DIP2C: variants seen among roughly 807,000 people sequenced by gnomAD.
The protein encoded by DIP2C is disco-interacting protein 2 homolog C.
DIP2C carries 33 observed loss-of-function variants against 192.4 expected under a neutral mutation model. That is an observed-to-expected ratio of 0.17 (90% CI 0.13 to 0.23). DIP2C has a LOEUF of 0.23. Ranked by LOEUF, DIP2C falls within the 10% of genes least tolerant of loss-of-function variation. The probability of loss-of-function intolerance (pLI) is 1.00; values close to 1 mark genes in which losing one functional copy is unlikely to be tolerated. For synonymous variants in DIP2C, 979 were observed against 864.1 expected (o/e 1.13, Z -2.33); for missense variants, 1,537 against 2,110.1 (o/e 0.73, Z 5.32).
chr10:602,407 G>A (rs774315965), intron 1 of DIP2C, among the ~76,000 whole-genome samples: 1 of 152,218 alleles, frequency 6.6e-6, no homozygotes, highest in Non-Finnish European at 1.5e-5. Flanking sequence ...CTGAATGTCT[G>A]TCCCCAAAAC....
chr10:569,601 T>C (rs1341260970), intron 1 of DIP2C, among the ~76,000 whole-genome samples: 1 of 129,210 alleles, frequency 7.7e-6, no homozygotes, highest in Non-Finnish European at 1.6e-5. Flanking sequence ...TTATATTCTT[T>C]TTTAAAAAAA....
At chr10:554,950 G>C (rs1001699483) in intron 1 of DIP2C, among the ~76,000 whole-genome samples, 5 of 152,002 alleles carry the variant, frequency 3.3e-5, no homozygotes, top group Admixed American at 3.3e-4. Context: ...GTTCGTCAGA[G>C]ACAGAGTCTG....
intron 3 of DIP2C, among the ~76,000 whole-genome samples, chr10:464,648 T>A (rs948230055): frequency 6.6e-6 from 1 of 152,222 alleles, no homozygotes; most frequent in African/African-American, 2.4e-5. Context: ...CAAAGGATTA[T>A]AAATCATGAT....
intron 9 of DIP2C, 72 bp downstream of exon 9, chr10:408,854 G>A: frequency 2.0e-6 from 3 of 1,490,354 alleles, no homozygotes; most frequent in South Asian, 1.2e-5. Context: ...ACTCTGTAAT[G>A]TTTAAACAGT....
At chr10:408,212 C>T (rs948144140) in intron 9 of DIP2C, among the ~76,000 whole-genome samples, 3 of 152,142 alleles carry the variant, frequency 2.0e-5, no homozygotes, top group Non-Finnish European at 2.9e-5. Flanking sequence ...GTCCTTTCCC[C>T]GTTGAGTATC....
intron 1 of DIP2C, chr10:650,197 T>C (rs1855768362): frequency 1.4e-6 from 1 of 717,324 alleles, no homozygotes; most frequent in Non-Finnish European, 2.6e-6. Context: ...GGGTGGGTGG[T>C]GCTGGGGAGG....
At chr10:573,111 G>GAAT (rs1340846373) in intron 1 of DIP2C, among the ~76,000 whole-genome samples, 1 of 152,098 alleles carries the variant, frequency 6.6e-6, no homozygotes, top group African/African-American at 2.4e-5. Context: ...GCATGTAAGT[G>GAAT]AATTATTTGG....
At chr10:434,973 T>G (rs1462105874) in intron 4 of DIP2C, among the ~76,000 whole-genome samples, 1 of 152,214 alleles carries the variant, frequency 6.6e-6, no homozygotes, top group Non-Finnish European at 1.5e-5. Context: ...GTCGTTGTTG[T>G]TTTTACATTT....
At chr10:650,869 C>T (rs1192480896) in intron 1 of DIP2C, 1 of 717,410 alleles carries the variant, frequency 1.4e-6, no homozygotes, top group East Asian at 2.7e-5. Context: ...TGGCATAACA[C>T]AAACTCCCCC....
At chr10:503,291 A>G (rs1012605600) in intron 1 of DIP2C, among the ~76,000 whole-genome samples, 2 of 152,240 alleles carry the variant, frequency 1.3e-5, no homozygotes, top group Non-Finnish European at 1.5e-5. Flanking sequence ...AGACAAGCTA[A>G]AAGTTACATG....
intron 1 of DIP2C, among the ~76,000 whole-genome samples, chr10:579,774 A>G (rs901920702): frequency 6.6e-6 from 1 of 152,098 alleles, no homozygotes. Context: ...CAGAGCATAC[A>G]CATCCATATC....
intron 13 of DIP2C, among the ~76,000 whole-genome samples, chr10:388,894 G>T (rs1363742227): frequency 1.3e-5 from 2 of 152,118 alleles, no homozygotes. Flanking sequence ...AGCCTCAGGG[G>T]GTCTCCGGAG....
intron 3 of DIP2C, among the ~76,000 whole-genome samples, chr10:462,125 G>C (rs545290850): frequency 7.6e-4 from 116 of 152,024 alleles, no homozygotes; most frequent in Non-Finnish European, 1.4e-3. Context: ...AAGAACTAGA[G>C]AAGAAAGAGC....
intron 1 of DIP2C, among the ~76,000 whole-genome samples, chr10:582,984 C>T (rs1011208137): frequency 6.6e-6 from 1 of 152,190 alleles, no homozygotes; most frequent in African/African-American, 2.4e-5. Context: ...TCTCCATAAA[C>T]AAAACACACA....
chr10:357,602 G>A (rs1177062993), intron 23 of DIP2C, among the ~76,000 whole-genome samples: 1 of 152,184 alleles, frequency 6.6e-6, no homozygotes, highest in Admixed American at 6.5e-5. Context: ...GAGAGGACAG[G>A]TAGAATAAAG....
At position 286,515 on chromosome 10, in the gene DIP2C, C is replaced by T. The variant is rs149495114; in HGVS notation, c.4045-168G>A. 2.5e-3 allele frequency among the ~76,000 whole-genome samples: 384 copies of T among 151,304 alleles called. 3 individuals carry two copies. Among genetic ancestry groups the T allele is most frequent in the African/African-American group, 8.9e-3 (362 of 40,752 alleles). The stretch of plus-strand genomic sequence containing the variant: ...TTATGACCCATTATACAACCACAGC[C>T]TCACAATCACAGCCTCACAATCACA... On this transcript the variant is annotated intron_variant, in intron 33 of 36. Coordinates refer to ENST00000280886, the MANE Select transcript of DIP2C (RefSeq NM_014974.3).
intron 28 of DIP2C, among the ~76,000 whole-genome samples, chr10:342,678 A>AT (rs1958216029): frequency 6.6e-6 from 1 of 152,172 alleles, no homozygotes; most frequent in Non-Finnish European, 1.5e-5. Flanking sequence ...TGCCTGTGAC[A>AT]TAAGTTAGAG....
chr10:580,924 T>TA (rs983975452), intron 1 of DIP2C, among the ~76,000 whole-genome samples: 1 of 151,952 alleles, frequency 6.6e-6, no homozygotes, highest in Non-Finnish European at 1.5e-5. Flanking sequence ...AAGCACTCCT[T>TA]AAAAAATTAG....
chr10:640,741 CGGG>C, intron 1 of DIP2C, among the ~76,000 whole-genome samples: 1 of 131,200 alleles, frequency 7.6e-6, no homozygotes, highest in African/African-American at 3.2e-5. Context: ...GGGTGGGCGC[CGGG>C]AAGAGGGTGG....
Sources: gnomAD v4.1 joint callset for allele counts (sites outside exome capture counted in the v4.1 genomes callset) on GRCh38, gnomAD v4.1.1 for gene constraint, MANE v1.5 for transcripts, NCBI Gene and HGNC (gene_info 2026-07-23, HGNC 2026-07-21) for gene names.